Variants in CENPP observed in about 807,000 individuals in gnomAD.
The protein encoded by CENPP is centromere protein P.
A neutral mutation model predicts 35.6 loss-of-function variants in CENPP; 24 were observed. The ratio of observed to expected loss-of-function variants is 0.67; its 90% CI spans 0.49 to 0.95. The LOEUF (loss-of-function observed/expected upper bound fraction) is 0.95. Ranked by LOEUF, CENPP falls within the 40% of genes least tolerant of loss-of-function variation. CENPP has a pLI of 0.00. For synonymous variants in CENPP, 120 were observed against 125.5 expected, an observed-to-expected ratio of 0.96 and a Z score of 0.29; for missense variants, 332 against 345.3, an observed-to-expected ratio of 0.96 and a Z score of 0.31.
At chr9:92,375,174 A>G (rs1004187573) in intron 4 of CENPP, among the ~76,000 whole-genome samples, 1 of 151,410 alleles carries the variant, frequency 6.6e-6, no homozygotes, top group African/African-American at 2.4e-5. Context: ...TTCATTATGT[A>G]TATGTTAGTA....
At chr9:92,557,488 C>G (rs1372271463) in intron 5 of CENPP, among the ~76,000 whole-genome samples, 1 of 152,118 alleles carries the variant, frequency 6.6e-6, no homozygotes, top group African/African-American at 2.4e-5. Context: ...TAACATAATC[C>G]CAGACTTCTT....
At chr9:92,472,590 G>A (rs1054646994) in intron 5 of CENPP, among the ~76,000 whole-genome samples, 6 of 148,738 alleles carry the variant, frequency 4.0e-5, no homozygotes, top group African/African-American at 1.5e-4. Context: ...CCCAGGAGAC[G>A]GAAGTTGCAG....
intron 5 of CENPP, chr9:92,538,938 AT>A (rs1849251895): frequency 6.6e-6 from 1 of 152,150 alleles, no homozygotes; most frequent in Non-Finnish European, 1.5e-5. Context: ...GTACCAATAA[AT>A]TGGGGTTTTT....
At chr9:92,389,017 CAG>C (rs1842558118) in intron 5 of CENPP, among the ~76,000 whole-genome samples, 1 of 152,026 alleles carries the variant, frequency 6.6e-6, no homozygotes, top group Non-Finnish European at 1.5e-5. Flanking sequence ...CACTTTCTAA[CAG>C]ATTGTACATT....
chr9:92,616,006 G>A lies in CENPP; in HGVS notation c.*2857G>A, dbSNP rs779279216. 28 of 1,614,036 alleles carry A rather than the reference G, an allele frequency of 1.7e-5. No homozygotes were observed. The highest frequency in any genetic ancestry group is 1.3e-4 in the Admixed American group (8 of 59,994). On this transcript the variant is annotated 3_prime_UTR_variant, in exon 8 of 8. Transcript: ENST00000375587. The stretch of plus-strand genomic sequence containing the variant: ...TGAGGTCAAGGTCCAGCACAGACAC[G>A]GAAAAGGCAAACCTGGACCTCGATG...
Position 92,386,218 on chromosome 9 carries a change from G to A in CENPP, c.564+6359G>A, listed in dbSNP as rs746698305. On this transcript the variant is annotated intron_variant, in intron 5 of 7. Transcript: ENST00000375587. The stretch of plus-strand genomic sequence containing the variant: ...TATCATACCTGAAGATGAATTACAC[G>A]TAGACTTTCTGGTAAATTAAGAGGC... The A allele has an allele frequency of 5.0e-6, 8 of 1,608,502 alleles. No individual in the cohort carries two copies. The highest frequency in any genetic ancestry group is 4.5e-5 in the East Asian group (2 of 44,824).
intron 4 of CENPP, among the ~76,000 whole-genome samples, chr9:92,369,691 G>A (rs529768115): frequency 2.0e-5 from 3 of 152,102 alleles, no homozygotes; most frequent in Non-Finnish European, 4.4e-5. Context: ...ATTTTGTCCC[G>A]CAACTTAACT....
rs1283704897 is a variant in CENPP at position 92,614,224 on chromosome 9, A to C, written c.*1075A>C. ...CCTCACATGTGCACTTGAACCCAGG[A>C]CCCAGCATCCTCCACACACCGTGAC... is the stretch of plus-strand genomic sequence containing the variant. On this transcript the variant is annotated 3_prime_UTR_variant, in exon 8 of 8. Transcript: ENST00000375587. 1 of 152,762 alleles carries C rather than the reference A, an allele frequency of 6.5e-6. No individual in the cohort carries two copies. Among genetic ancestry groups the C allele is most frequent in the Non-Finnish European group, 1.5e-5 (1 of 68,502 alleles). The allele number at this position is 152,762 out of a possible 1,614,324, so 9.5% of individuals were successfully genotyped here. A position where few individuals can be genotyped will look rare whatever the true frequency, so the allele number is the denominator to read the frequency against.
At chr9:92,465,060 A>T (rs1272595821) in intron 5 of CENPP, 2 of 1,438,644 alleles carry the variant, frequency 1.4e-6, no homozygotes, top group Non-Finnish European at 2.0e-6. Flanking sequence ...GACTTAGCAC[A>T]CATAGGTTGT....
chr9:92,423,233 T>C (rs1036149116), intron 5 of CENPP, among the ~76,000 whole-genome samples: 1 of 152,088 alleles, frequency 6.6e-6, no homozygotes. Context: ...AAAGAACAAA[T>C]GTGAAAAAGA....
intron 5 of CENPP, among the ~76,000 whole-genome samples, chr9:92,408,056 G>A (rs9299404): frequency 0.44 from 67,579 of 152,138 alleles, 17,262 homozygotes; most frequent in African/African-American, 0.7. Context: ...GAGACCATAT[G>A]ACCTCCAAGT....
intron 5 of CENPP, among the ~76,000 whole-genome samples, chr9:92,565,355 G>T (rs1849944220): frequency 7.3e-6 from 1 of 137,706 alleles, no homozygotes; most frequent in South Asian, 2.4e-4. Context: ...TACGAATTTT[G>T]TGTTGGGCCT....
At chr9:92,389,263 A>G (rs1842568942) in intron 5 of CENPP, among the ~76,000 whole-genome samples, 1 of 152,220 alleles carries the variant, frequency 6.6e-6, no homozygotes, top group Non-Finnish European at 1.5e-5. Flanking sequence ...CAAATTGTCT[A>G]CCTAAACCGA....
rs184173770 is a variant in CENPP at position 92,547,446 on chromosome 9, C to A, written c.565-63868C>A. Reference sequence around the variant, plus strand: ...AATGAATGTACAAAATGCTGCATAGCCATACAAGGGAATATTATTTGGTAA... The same window carrying A: ...AATGAATGTACAAAATGCTGCATAGACATACAAGGGAATATTATTTGGTAA... On this transcript the variant is annotated intron_variant, in intron 5 of 7. Coordinates refer to ENST00000375587, the MANE Select transcript of CENPP (RefSeq NM_001012267.3). Among the ~76,000 whole-genome samples the A allele has an allele frequency of 4.3e-3, 651 of 152,264 alleles. 10 individuals are homozygous for A. The highest frequency in any genetic ancestry group is 5.3e-3 in the Non-Finnish European group (358 of 68,020).
At chr9:92,391,891 A>G (rs977429428) in intron 5 of CENPP, among the ~76,000 whole-genome samples, 4 of 152,174 alleles carry the variant, frequency 2.6e-5, no homozygotes, top group Admixed American at 2.0e-4. Flanking sequence ...ATTCACAAAT[A>G]TGGAATCCAC....
intron 5 of CENPP, among the ~76,000 whole-genome samples, chr9:92,546,336 C>T (rs190277645): frequency 1.2e-4 from 18 of 152,242 alleles, no homozygotes; most frequent in Admixed American, 4.6e-4. Context: ...CCAGAGGTCC[C>T]CTTCCACTGT....
chr9:92,428,292 A>C (rs1844019165), intron 5 of CENPP, among the ~76,000 whole-genome samples: 1 of 152,126 alleles, frequency 6.6e-6, no homozygotes, highest in Non-Finnish European at 1.5e-5. Flanking sequence ...GAGTCCTTTA[A>C]ATTAGTACCT....
At chr9:92,518,020 G>T in intron 5 of CENPP, 1 of 960,890 alleles carries the variant, frequency 1.0e-6, no homozygotes, top group Non-Finnish European at 1.5e-6. Flanking sequence ...TAAAGATGTC[G>T]TATAGACATA....
intron 5 of CENPP, among the ~76,000 whole-genome samples, chr9:92,573,244 G>A (rs573638882): frequency 3.2e-4 from 49 of 152,198 alleles, no homozygotes; most frequent in Middle Eastern, 3.4e-3. Context: ...TCCACCTTTG[G>A]TCTTTGATGA....
Sources: allele counts gnomAD v4.1 joint callset (sites outside exome capture counted in the v4.1 genomes callset), GRCh38; gene constraint gnomAD v4.1.1; transcripts MANE v1.5; gene names NCBI Gene and HGNC (gene_info 2026-07-23, HGNC 2026-07-21).